SRRM3: variants seen among roughly 807,000 people sequenced by gnomAD.
The protein encoded by SRRM3 is serine/arginine repetitive matrix 3.
Under a neutral mutation model 66.2 loss-of-function variants are expected in SRRM3, and 27 were observed. The observed-to-expected ratio is 0.41, with a 90% CI of 0.30 to 0.56. SRRM3 has a LOEUF of 0.56. SRRM3 is among the 20% of genes least tolerant of loss of function. The pLI, the probability that SRRM3 is intolerant of heterozygous loss-of-function variation, is 0.32. For synonymous variants in SRRM3, 391 were observed against 414.9 expected (o/e 0.94, Z 0.70); for missense variants, 918 against 991.9 (o/e 0.93, Z 1.00).
chr7:76,235,239 A>G lies in SRRM3; in HGVS notation c.173A>G (p.Glu58Gly). 9 of 1,555,230 alleles carry G rather than the reference A, an allele frequency of 5.8e-6. No individual in the cohort carries two copies. The highest frequency in any genetic ancestry group is 7.8e-6 in the Non-Finnish European group (9 of 1,159,224). Residue 58 changes from glutamate (E) to glycine (G), a missense_variant, in exon 2 of 15, where the codon GAG (glutamate) becomes GGG (glycine). Glu to Gly is a moderately conservative substitution (Grantham distance 98). Coordinates refer to ENST00000611745, the MANE Select transcript of SRRM3 (RefSeq NM_001110199.3). Reference protein sequence around the residue: ...KRAHREILDHERKRRVELKCM... With the variant: ...KRAHREILDHGRKRRVELKCM... ...GCGCACCGCGAGATCCTGGACCACGAGCGCAAGCGGCGGGTGGAGCTCAAG... is the reference window on the plus strand; with the variant it reads ...GCGCACCGCGAGATCCTGGACCACGGGCGCAAGCGGCGGGTGGAGCTCAAG...
At chr7:76,258,529 A>G (rs1554608068) in intron 3 of SRRM3, among the ~76,000 whole-genome samples, 1 of 151,516 alleles carries the variant, frequency 6.6e-6, no homozygotes, top group East Asian at 1.9e-4. Context: ...CCTGGCCAGC[A>G]TGGTGAAACC....
chr7:76,271,563 G>A (rs1385821935), intron 11 of SRRM3, among the ~76,000 whole-genome samples: 1 of 152,014 alleles, frequency 6.6e-6, no homozygotes, highest in Non-Finnish European at 1.5e-5. Flanking sequence ...AGGATTGCTT[G>A]AACCAGAAGT....
chr7:76,222,908 G>A (rs550880319), intron 1 of SRRM3, among the ~76,000 whole-genome samples: 7 of 152,078 alleles, frequency 4.6e-5, no homozygotes, highest in Middle Eastern at 3.4e-3. Context: ...GAGCCACCGC[G>A]CCCAGCTTCA....
chr7:76,249,641 C>A (rs115929570), intron 3 of SRRM3, among the ~76,000 whole-genome samples: 1,560 of 152,366 alleles, frequency 0.01, 28 homozygotes, highest in African/African-American at 0.036. Flanking sequence ...GAGCTCCATG[C>A]CTGGCAGGCA....
At chr7:76,237,771 C>T (rs1187994818) in intron 2 of SRRM3, among the ~76,000 whole-genome samples, 2 of 151,630 alleles carry the variant, frequency 1.3e-5, no homozygotes, top group Non-Finnish European at 2.9e-5. Context: ...TCCTCAGCCC[C>T]TCTCCCTTCA....
chr7:76,204,242 C>T (rs1346130200), intron 1 of SRRM3, among the ~76,000 whole-genome samples: 3 of 152,132 alleles, frequency 2.0e-5, no homozygotes, highest in Admixed American at 1.3e-4. Flanking sequence ...TTATTGTCCC[C>T]CAGGGACAAA....
intron 1 of SRRM3, among the ~76,000 whole-genome samples, chr7:76,221,342 A>C (rs1583876308): frequency 7.1e-6 from 1 of 141,548 alleles, no homozygotes; most frequent in Non-Finnish European, 1.5e-5. Context: ...GGTTTGAGCC[A>C]CTGGGCCTGC....
intron 1 of SRRM3, among the ~76,000 whole-genome samples, chr7:76,205,427 C>G (rs928346657): frequency 6.6e-6 from 1 of 152,206 alleles, no homozygotes; most frequent in African/African-American, 2.4e-5. Flanking sequence ...CCAAGCTGCT[C>G]TCAATCTCCT....
At chr7:76,238,662 G>C (rs1257323070) in intron 2 of SRRM3, among the ~76,000 whole-genome samples, 1 of 151,926 alleles carries the variant, frequency 6.6e-6, no homozygotes, top group African/African-American at 2.4e-5. Context: ...CTCTTTTTTA[G>C]TTTGTTTGTT....
At chr7:76,259,316 A>T (rs904763769) in intron 3 of SRRM3, among the ~76,000 whole-genome samples, 6 of 152,050 alleles carry the variant, frequency 3.9e-5, no homozygotes, top group African/African-American at 1.2e-4. Context: ...AGGGTGGCTC[A>T]TGCCTGGAAT....
At position 76,259,976 on chromosome 7, in the gene SRRM3, G is replaced by T; in HGVS notation, c.406G>T (p.Asp136Tyr). The change falls in exon 4 of 15, where the codon GAC (aspartate) becomes TAC (tyrosine). Residue 136 changes from aspartate to tyrosine, a missense_variant. By Grantham distance (160) the Asp-to-Tyr change is radical. Transcript: ENST00000611745. ...GLEYAPFDDD[D>Y]GPVDCDCPAS... is the part of the protein sequence containing the mutation. ...GGAGTACGCGCCCTTTGACGATGAC[G>T]ACGGCCCAGTGGACTGTGACTGCCC... is the stretch of plus-strand genomic sequence containing the variant. The T allele has an allele frequency of 6.9e-6, 11 of 1,600,386 alleles. No homozygotes were observed. Among genetic ancestry groups the T allele is most frequent in the Non-Finnish European group, 9.3e-6 (11 of 1,178,804 alleles).
At chr7:76,210,819 TTGAGATGGAGTCTCACAC>T (rs1800414189) in intron 1 of SRRM3, among the ~76,000 whole-genome samples, 2 of 151,942 alleles carry the variant, frequency 1.3e-5, no homozygotes, top group Admixed American at 1.3e-4. Context: ...TTTTTTTTTT[TTGAGATGGAGTCTCACAC>T]TGTTGCCCAG....
At position 76,282,865 on chromosome 7, in the gene SRRM3, C is replaced by A; in HGVS notation, c.1588C>A (p.Leu530Ile). 6.9e-7 allele frequency: 1 copy of A among 1,445,510 alleles called. No homozygotes were observed. The highest frequency in any genetic ancestry group is 1.3e-5 in the South Asian group (1 of 74,458). The allele number at this position is 1,445,510 out of a possible 1,614,324, so 89.5% of individuals were successfully genotyped here. The change falls in exon 13 of 15, where the codon CTC (leucine) becomes ATC (isoleucine). Residue 530 changes from leucine (L) to isoleucine (I), a missense_variant. Transcript: ENST00000611745. The part of the protein sequence containing the change: ...PSRSPSPKKP[L>I]SRDKDGEGRA... ...CCGCTCGCCGTCGCCCAAGAAGCCC[C>A]TCAGCCGGTGAGTGCCCGCCCGGAC...
At chr7:76,265,232 T>C (rs1583925363) in intron 9 of SRRM3, 132 bp from the exon 10 acceptor site, 2 of 610,242 alleles carry the variant, frequency 3.3e-6, no homozygotes, top group Middle Eastern at 4.3e-4. Context: ...TAGGAGACTT[T>C]AGGGGACTGA....
intron 3 of SRRM3, among the ~76,000 whole-genome samples, chr7:76,256,656 C>T (rs917281417): frequency 2.6e-5 from 4 of 151,852 alleles, no homozygotes; most frequent in Non-Finnish European, 4.4e-5. Context: ...AACTTCCTGA[C>T]ATTGCCATGT....
chr7:76,283,449 T>C (rs2117122926), intron 14 of SRRM3: 2 of 486,636 alleles, frequency 4.1e-6, no homozygotes, highest in South Asian at 1.7e-5. Flanking sequence ...AGTCCCGCCA[T>C]CCCTCCGGAG....
In SRRM3 at chr7:76,282,812, C is replaced by A; in HGVS notation, c.1535C>A (p.Ser512Tyr). The stretch of plus-strand genomic sequence containing the variant: ...TCGCCCTCCAAATCTCGCTCGCGCT[C>A]TGCGGAGAAGCGGCCCCACAGCCCC... ...SRSPSKSRSR[S>Y]AEKRPHSPSR... The change falls in exon 13 of 15, where the codon TCT (serine) becomes TAT (tyrosine). Residue 512 changes from serine (S) to tyrosine (Y), a missense_variant. Physicochemically the swap from Ser to Tyr is moderately radical, Grantham distance 144. Coordinates refer to ENST00000611745, the MANE Select transcript of SRRM3 (RefSeq NM_001110199.3). 1 of 1,465,334 alleles carries A rather than the reference C, an allele frequency of 6.8e-7. No homozygotes were observed. The highest frequency in any genetic ancestry group is 9.0e-7 in the Non-Finnish European group (1 of 1,114,522). The allele number at this position is 1,465,334 out of a possible 1,614,324, so 90.8% of individuals were successfully genotyped here. A position where few individuals can be genotyped will look rare whatever the true frequency, so the allele number is the denominator to read the frequency against.
rs562414577 is a variant in SRRM3 at position 76,223,088 on chromosome 7, T to C, written c.-39-11940T>C. On this transcript the variant is annotated intron_variant, in intron 1 of 14. Transcript: ENST00000611745. ...TGCTCCTCTCCTGACGCACCCCAGC[T>C]GTTAGATGTCTCTGCCATGCATCCA... Among the ~76,000 whole-genome samples, 5 of 152,350 alleles carry C rather than the reference T, an allele frequency of 3.3e-5. 1 individual carries two copies. The South Asian group carries it at 6.2e-4, about 19-fold the overall frequency.
chr7:76,215,136 T>C (rs1184463972), intron 1 of SRRM3, among the ~76,000 whole-genome samples: 1 of 151,948 alleles, frequency 6.6e-6, no homozygotes, highest in Non-Finnish European at 1.5e-5. Context: ...ATTTGCATTA[T>C]TTAGTCAATT....
Sources: gnomAD v4.1 joint callset for allele counts (sites outside exome capture counted in the v4.1 genomes callset) on GRCh38, gnomAD v4.1.1 for gene constraint, MANE v1.5 for transcripts, NCBI Gene and HGNC (gene_info 2026-07-23, HGNC 2026-07-21) for gene names.